The following SLC1A6 variants were observed in gnomAD, a reference collection of about 807,000 sequenced individuals.
SLC1A6 encodes solute carrier family 1 member 6, also known as excitatory amino acid transporter 4.
In SLC1A6, 15 loss-of-function variants were observed where a neutral mutation model predicts 42.1. The ratio of observed to expected loss-of-function variants is 0.36; its 90% CI spans 0.24 to 0.55. The LOEUF is 0.55. Among genes scored for constraint, SLC1A6 ranks in the 20% least tolerant of loss-of-function variants. The pLI, the probability that SLC1A6 is intolerant of heterozygous loss-of-function variation, is 0.88. For missense variants in SLC1A6, 542 were observed against 772.5 expected, an observed-to-expected ratio of 0.70 and a Z score of 3.54; for synonymous variants, 317 against 319.7, an observed-to-expected ratio of 0.99 and a Z score of 0.09.
intron 6 of SLC1A6, among the ~76,000 whole-genome samples, chr19:14,959,098 C>T (rs1347012289): frequency 6.6e-6 from 1 of 152,236 alleles, no homozygotes; most frequent in Non-Finnish European, 1.5e-5. Flanking sequence ...GACACGCTCA[C>T]AGGCACATAG....
intron 1 of SLC1A6, among the ~76,000 whole-genome samples, chr19:15,008,303 C>A (rs1163929675): frequency 6.6e-6 from 1 of 152,010 alleles, no homozygotes. Context: ...CATGATCCCC[C>A]CACTGCACTC....
Position 14,979,643 on chromosome 19 carries a change from C to T in SLC1A6, c.-342G>A. On this transcript the variant is annotated 5_prime_UTR_variant, in exon 1 of 10. Transcript: ENST00000594383. This position sits in a 1 kb window ranked among gnomAD's most constrained non-coding sequence, Gnocchi z 4.2. ...CCCGCCAGGGACTGTGCAGCACCGG[C>T]GCGGGGACCGGACCGTGGAGGCACC... The T allele has an allele frequency of 6.6e-6, 1 of 151,440 alleles. No individual in the cohort carries two copies. The highest frequency in any genetic ancestry group is 2.0e-4 in the East Asian group (1 of 5,100). 9.4% of individuals were successfully genotyped at this position (151,440 alleles called of 1,614,324 possible). A position where few individuals can be genotyped will look rare whatever the true frequency, so the allele number is the denominator to read the frequency against.
intron 1 of SLC1A6, among the ~76,000 whole-genome samples, chr19:15,005,010 G>T (rs1269454431): frequency 1.3e-5 from 2 of 152,164 alleles, no homozygotes; most frequent in Non-Finnish European, 2.9e-5. Flanking sequence ...TGAAACCCCA[G>T]AGCTTTGGTA....
chr19:15,009,292 T>C (rs10419689), intron 1 of SLC1A6, among the ~76,000 whole-genome samples: 57,899 of 150,698 alleles, frequency 0.38, 11,872 homozygotes, highest in East Asian at 0.55. Context: ...ATCATATATA[T>C]GCTCTCTAGA....
At chr19:15,002,135 G>A (rs1236277874) in intron 1 of SLC1A6, among the ~76,000 whole-genome samples, 4 of 151,946 alleles carry the variant, frequency 2.6e-5, no homozygotes, top group Non-Finnish European at 5.9e-5. Context: ...TGTTACCCAG[G>A]CTGGAGTGCA....
intron 1 of SLC1A6, among the ~76,000 whole-genome samples, chr19:14,989,266 A>T (rs1188646467): frequency 6.6e-6 from 1 of 152,156 alleles, no homozygotes; most frequent in African/African-American, 2.4e-5. Flanking sequence ...ATCTATTTTA[A>T]AAAAAATTTT....
chr19:15,006,118 T>C lies in SLC1A6; in HGVS notation c.6+4367A>G, dbSNP rs142448828. 4.8e-3 allele frequency among the ~76,000 whole-genome samples: 738 copies of C among 152,266 alleles called. 10 individuals carry two copies. Among genetic ancestry groups the C allele is most frequent in the African/African-American group, 0.017 (714 of 41,556 alleles). ...CATGGATTCATTCTATTAATAAAAGTCAAAAGTAAACACTTACATAATGCT... is the reference window on the plus strand; with the variant it reads ...CATGGATTCATTCTATTAATAAAAGCCAAAAGTAAACACTTACATAATGCT... On this transcript the variant is annotated intron_variant, in intron 1 of 8. Transcript: ENST00000430939.
At position 14,972,858 on chromosome 19, in the gene SLC1A6, C is replaced by T; in HGVS notation, c.53G>A (p.Gly18Asp). 1.2e-6 allele frequency: 2 copies of T among 1,604,574 alleles called. No homozygotes were observed. Among genetic ancestry groups the T allele is most frequent in the Non-Finnish European group, 1.7e-6 (2 of 1,176,408 alleles). Residue 18 changes from glycine (G) to aspartate (D), a missense_variant, in exon 2 of 10, where the codon GGC (glycine) becomes GAC (aspartate). Physicochemically the swap from Gly to Asp is moderately conservative, Grantham distance 94. Around this residue, in one of 6 missense-constraint regions of SLC1A6, gnomAD observed 88 missense variants for 85.5 expected, o/e 1.03. Transcript: ENST00000594383. ...CAGCCGCTGCAGCCAGCCCACCCGG[C>T]CCAGCCGCTGGCCGCTCTCCCGCAG... is the stretch of plus-strand genomic sequence containing the variant. ...LFLRESGQRLGRVGWLQRLQE... is the reference protein window; with the variant it reads ...LFLRESGQRLDRVGWLQRLQE...
In SLC1A6 at chr19:14,995,326, CAAAA is replaced by C. The variant is rs1173848535; in HGVS notation, c.6+15155_6+15158del. ...GGCAACAAGAGTGAAACTCCATCTCCAAAAAAAAAAAAAAAAAAGAAAGAAAGAA... is the reference window on the plus strand; with the variant it reads ...GGCAACAAGAGTGAAACTCCATCTCCAAAAAAAAAAAAAAGAAAGAAAGAA... On this transcript the variant is annotated intron_variant, in intron 1 of 8. Transcript: ENST00000430939. Among the ~76,000 whole-genome samples, 5 of 53,026 alleles carry C rather than the reference CAAAA, an allele frequency of 9.4e-5. No individual in the cohort carries two copies. The South Asian group carries it at 2.6e-3, about 28-fold the overall frequency. 34.8% of individuals were successfully genotyped at this position (53,026 alleles called of 152,430 possible).
chr19:14,995,649 A>G (rs759435781), intron 1 of SLC1A6, among the ~76,000 whole-genome samples: 2 of 152,176 alleles, frequency 1.3e-5, no homozygotes, highest in Non-Finnish European at 2.9e-5. Flanking sequence ...TATACGATAA[A>G]ACGTTATGCT....
intron 9 of SLC1A6, among the ~76,000 whole-genome samples, chr19:14,951,322 G>T (rs971518053): frequency 2.6e-5 from 4 of 151,454 alleles, no homozygotes; most frequent in African/African-American, 9.7e-5. Context: ...ACGATTAAGG[G>T]TTATGAACTG....
At chr19:14,983,416 C>T (rs1033414941), upstream of SLC1A6, among the ~76,000 whole-genome samples, 1 of 152,010 alleles carries the variant, frequency 6.6e-6, no homozygotes, top group African/African-American at 2.4e-5. Flanking sequence ...GGTGTGGTGG[C>T]TCACACTTGC....
At chr19:15,009,108 C>T (rs1234765196) in intron 1 of SLC1A6, among the ~76,000 whole-genome samples, 1 of 116,094 alleles carries the variant, frequency 8.6e-6, no homozygotes, top group East Asian at 2.8e-4. Context: ...CTATAAATAG[C>T]ATATCTATCA....
intron 4 of SLC1A6, among the ~76,000 whole-genome samples, chr19:14,966,889 C>A (rs1415781151): frequency 1.3e-5 from 2 of 150,810 alleles, no homozygotes. Flanking sequence ...GCTGTGGGGG[C>A]AAAGGGAGGG....
intron 6 of SLC1A6, among the ~76,000 whole-genome samples, chr19:14,957,007 G>A (rs1247890021): frequency 6.6e-6 from 1 of 152,060 alleles, no homozygotes; most frequent in East Asian, 1.9e-4. Context: ...CCCCATTCAA[G>A]CTCTCTCAAT....
At chr19:14,964,293 G>A in intron 5 of SLC1A6, 26 bp downstream of exon 5, 1 of 1,607,266 alleles carries the variant, frequency 6.2e-7, no homozygotes, top group Admixed American at 1.7e-5. Flanking sequence ...GAATCTCCTT[G>A]ATCAAACTGT....
At chr19:15,008,031 C>CCG (rs1568304151) in intron 1 of SLC1A6, among the ~76,000 whole-genome samples, 6 of 79,302 alleles carry the variant, frequency 7.6e-5, no homozygotes, top group African/African-American at 2.4e-4. Flanking sequence ...GCCCCCCCCC[C>CCG]AAAAAAAAAC....
intron 1 of SLC1A6, among the ~76,000 whole-genome samples, chr19:14,990,522 C>A (rs886369300): frequency 6.6e-6 from 1 of 152,168 alleles, no homozygotes; most frequent in Non-Finnish European, 1.5e-5. Flanking sequence ...GTAGTCCCAG[C>A]ACTTTGGGAA....
At chr19:14,982,659 T>A (rs11668828), upstream of SLC1A6, among the ~76,000 whole-genome samples, 84,614 of 152,074 alleles carry the variant, frequency 0.56, 23,756 homozygotes, top group South Asian at 0.63. Flanking sequence ...TGAAACTAAG[T>A]CAAGGGAGCA....
Sources: gnomAD v4.1 joint callset for allele counts (sites outside exome capture counted in the v4.1 genomes callset) on GRCh38, gnomAD v4.1.1 for gene constraint, gnomAD v4.1.1 regional missense constraint, Gnocchi (gnomAD v3.1) non-coding constraint, MANE v1.5 for transcripts, NCBI Gene and HGNC (gene_info 2026-07-23, HGNC 2026-07-21) for gene names.